The following LCLAT1 variants were observed in gnomAD, a reference collection of about 807,000 sequenced individuals.
The protein encoded by LCLAT1 is 1-AGP acyltransferase 8.
In LCLAT1, 11 loss-of-function variants were observed where a neutral mutation model predicts 30.7. That is an observed-to-expected ratio of 0.36 (90% confidence interval 0.23 to 0.59). LCLAT1 has a LOEUF of 0.59. Ranked by LOEUF, LCLAT1 falls within the 20% of genes least tolerant of loss-of-function variation. The probability of loss-of-function intolerance (pLI) is 0.77; values close to 1 mark genes in which losing one functional copy is unlikely to be tolerated. For missense variants in LCLAT1, 402 were observed against 458.6 expected (o/e 0.88, Z 1.13); for synonymous variants, 155 against 151.3 (o/e 1.02, Z -0.18).
chr2:30,631,245 T>C (rs1168822949), intron 5 of LCLAT1, among the ~76,000 whole-genome samples: 1 of 152,222 alleles, frequency 6.6e-6, no homozygotes, highest in African/African-American at 2.4e-5. Context: ...TATGTGGTTT[T>C]CTTAGGGCTT....
At chr2:30,571,959 A>G (rs1307308049) in intron 5 of LCLAT1, among the ~76,000 whole-genome samples, 1 of 152,220 alleles carries the variant, frequency 6.6e-6, no homozygotes, top group Admixed American at 6.5e-5. Flanking sequence ...TGAGATTTGT[A>G]CACTGATGAG....
rs1278759439 is a variant in LCLAT1 at position 30,642,795 on chromosome 2, T to C, written c.*2176T>C. The C allele has an allele frequency of 3.0e-5, 4 of 132,830 alleles. No individual in the cohort carries two copies. In the East Asian group the frequency reaches 6.7e-4, roughly 22 times the overall value. The allele number at this position is 132,830 out of a possible 1,614,324, so 8.2% of individuals were successfully genotyped here. A position where few individuals can be genotyped will look rare whatever the true frequency, so the allele number is the denominator to read the frequency against. ...CAAATTCATAAAGTACATTTAGTGC[T>C]GTATAGCACTAAAACTTAGAGATAC... On this transcript the variant is annotated 3_prime_UTR_variant, in exon 6 of 6. Transcript: ENST00000379509.
intron 5 of LCLAT1, among the ~76,000 whole-genome samples, chr2:30,633,824 A>G (rs1309948549): frequency 1.3e-5 from 2 of 152,198 alleles, no homozygotes; most frequent in African/African-American, 4.8e-5. Flanking sequence ...TGAACTATAT[A>G]ATTGGATCTG....
At chr2:30,515,584 A>G (rs1685141359) in intron 1 of LCLAT1, among the ~76,000 whole-genome samples, 1 of 152,186 alleles carries the variant, frequency 6.6e-6, no homozygotes, top group African/African-American at 2.4e-5. Context: ...TCATTTGGAA[A>G]AACTTGTTAG....
intron 5 of LCLAT1, among the ~76,000 whole-genome samples, chr2:30,597,716 A>T (rs552885046): frequency 1.3e-5 from 2 of 152,136 alleles, no homozygotes; most frequent in East Asian, 3.9e-4. Context: ...ATCCTTGTTT[A>T]TGCTGGTTTT....
intron 1 of LCLAT1, among the ~76,000 whole-genome samples, chr2:30,453,409 GCTGTGGCTTTTACCATTTCT>G (rs1681664321): frequency 6.6e-6 from 1 of 152,184 alleles, no homozygotes; most frequent in African/African-American, 2.4e-5. Flanking sequence ...GGCAGCCTTG[GCTGTGGCTTTTACCATTTCT>G]TCTTTCATAA....
At chr2:30,495,214 T>G (rs1447926630) in intron 1 of LCLAT1, among the ~76,000 whole-genome samples, 1 of 152,204 alleles carries the variant, frequency 6.6e-6, no homozygotes, top group Non-Finnish European at 1.5e-5. Flanking sequence ...TTTTTGTTCT[T>G]GCCCACAAAT....
chr2:30,579,794 C>T (rs1407589777), intron 5 of LCLAT1, among the ~76,000 whole-genome samples: 4 of 152,068 alleles, frequency 2.6e-5, no homozygotes, highest in Non-Finnish European at 4.4e-5. Flanking sequence ...TGTGAAAGTT[C>T]TAGTATTTAT....
intron 1 of LCLAT1, among the ~76,000 whole-genome samples, chr2:30,496,327 G>A (rs1273872533): frequency 6.6e-6 from 1 of 152,120 alleles, no homozygotes; most frequent in Non-Finnish European, 1.5e-5. Flanking sequence ...TTGGTTGGGG[G>A]AATCCTGTAG....
chr2:30,520,263 C>T (rs760040158), intron 1 of LCLAT1, among the ~76,000 whole-genome samples: 5 of 152,102 alleles, frequency 3.3e-5, no homozygotes, highest in African/African-American at 7.2e-5. Context: ...CTGCCAGTAA[C>T]AGTAAGATAA....
chr2:30,470,414 T>C (rs1263416688), intron 1 of LCLAT1, among the ~76,000 whole-genome samples: 1 of 152,222 alleles, frequency 6.6e-6, no homozygotes, highest in Non-Finnish European at 1.5e-5. Flanking sequence ...TTGTGTCCTT[T>C]TGTTATTTTT....
At chr2:30,573,889 A>G (rs947302552) in intron 5 of LCLAT1, among the ~76,000 whole-genome samples, 2 of 152,170 alleles carry the variant, frequency 1.3e-5, no homozygotes, top group Admixed American at 6.5e-5. Flanking sequence ...CCGTGTTCCA[A>G]TAAAGATTTA....
At chr2:30,515,130 CTG>C (rs1246970595) in intron 1 of LCLAT1, among the ~76,000 whole-genome samples, 3 of 152,152 alleles carry the variant, frequency 2.0e-5, no homozygotes, top group Non-Finnish European at 4.4e-5. Context: ...TTCTGTGACT[CTG>C]TAGGTTATTG....
chr2:30,510,576 A>G (rs1356472956), intron 1 of LCLAT1, among the ~76,000 whole-genome samples: 1 of 152,120 alleles, frequency 6.6e-6, no homozygotes, highest in Non-Finnish European at 1.5e-5. Context: ...TTCATCCATT[A>G]TCTTTGCTAT....
chr2:30,552,967 C>G (rs1431431544), intron 3 of LCLAT1, among the ~76,000 whole-genome samples: 2 of 152,148 alleles, frequency 1.3e-5, no homozygotes, highest in African/African-American at 4.8e-5. Context: ...GAGCAGTTGT[C>G]TGTCTTTCTT....
intron 1 of LCLAT1, among the ~76,000 whole-genome samples, chr2:30,493,824 T>C (rs1331555512): frequency 1.3e-5 from 2 of 152,144 alleles, no homozygotes; most frequent in African/African-American, 2.4e-5. Context: ...GTAGTGGTCA[T>C]GAAAGTTCTT....
intron 5 of LCLAT1, among the ~76,000 whole-genome samples, chr2:30,618,169 C>T (rs1443155978): frequency 2.0e-5 from 3 of 152,090 alleles, no homozygotes; most frequent in Non-Finnish European, 2.9e-5. Context: ...ATTACTGAAC[C>T]TTTATAGTAA....
intron 1 of LCLAT1, among the ~76,000 whole-genome samples, chr2:30,464,850 T>C (rs907676443): frequency 1.3e-5 from 2 of 152,140 alleles, no homozygotes; most frequent in Non-Finnish European, 2.9e-5. Flanking sequence ...ATTAGGGTTT[T>C]TTTGTTTTTG....
At chr2:30,519,738 C>T (rs1685381781) in intron 1 of LCLAT1, among the ~76,000 whole-genome samples, 1 of 152,148 alleles carries the variant, frequency 6.6e-6, no homozygotes, top group Admixed American at 6.5e-5. Context: ...GGATATAAAC[C>T]CAGGCATTCG....
Sources: allele counts gnomAD v4.1 joint callset (sites outside exome capture counted in the v4.1 genomes callset), GRCh38; gene constraint gnomAD v4.1.1; transcripts MANE v1.5; gene names NCBI Gene and HGNC (gene_info 2026-07-23, HGNC 2026-07-21).